EFR3B: variants seen among roughly 807,000 people sequenced by gnomAD.
EFR3B encodes the protein protein EFR3 homolog B.
In EFR3B, 64 loss-of-function variants were observed where a neutral mutation model predicts 104.7. The observed-to-expected ratio is 0.61, with a 90% CI of 0.50 to 0.75. EFR3B has a LOEUF of 0.75. Ranked by LOEUF, EFR3B falls within the 30% of genes least tolerant of loss-of-function variation. EFR3B has a pLI of 0.00. For synonymous variants in EFR3B, 385 were observed against 417.9 expected (o/e 0.92, Z 0.96); for missense variants, 750 against 1,078.5 (o/e 0.70, Z 4.27).
At chr2:25,081,709 C>G in intron 1 of EFR3B, 2 of 507,866 alleles carry the variant, frequency 3.9e-6, no homozygotes, top group Non-Finnish European at 3.4e-6. Flanking sequence ...AGACCCATTC[C>G]CTTGGTACCG....
intron 3 of EFR3B, among the ~76,000 whole-genome samples, chr2:25,095,751 C>G (rs955707701): frequency 6.6e-6 from 1 of 152,236 alleles, no homozygotes. Context: ...ATTTTATGAA[C>G]AGTGGGGCTG....
rs1671237492 is a variant in EFR3B, at chr2:25,158,621, GC to G, written c.*4284del. 6.6e-6 allele frequency: 1 copy of G among 152,570 alleles called. No individual in the cohort carries two copies. The highest frequency in any genetic ancestry group is 2.4e-5 in the African/African-American group (1 of 41,460). 9.5% of individuals were successfully genotyped at this position (152,570 alleles called of 1,614,324 possible). On this transcript the variant is annotated 3_prime_UTR_variant, in exon 23 of 23. Coordinates refer to ENST00000403714, the MANE Select transcript of EFR3B (RefSeq NM_014971.2). ...GGAGGGCGGCAGGAAGGGCTTTGTG[GC>G]CCTGCTGGGGCCAAAGGCAGTTTTC...
chr2:25,133,738 C>T (rs978421109), intron 12 of EFR3B, among the ~76,000 whole-genome samples: 4 of 152,158 alleles, frequency 2.6e-5, no homozygotes, highest in South Asian at 2.1e-4. Context: ...TGTTGGTTCC[C>T]GCCCTGGTTC....
At chr2:25,144,852 AGG>A in intron 18 of EFR3B, 106 bp from the exon 19 acceptor site, 1 of 872,592 alleles carries the variant, frequency 1.1e-6, no homozygotes, top group East Asian at 2.7e-5. Flanking sequence ...TGAGCCTTAG[AGG>A]ACTGTGGACC....
At chr2:25,153,673 C>A in intron 21 of EFR3B, 39 bp from the exon 22 acceptor site, 1 of 1,550,082 alleles carries the variant, frequency 6.5e-7, no homozygotes, top group Non-Finnish European at 8.7e-7. Context: ...TTCTGGACCC[C>A]CCACCCCTGC....
chr2:25,082,321 G>T, intron 1 of EFR3B, among the ~76,000 whole-genome samples: 1 of 152,238 alleles, frequency 6.6e-6, no homozygotes, highest in East Asian at 1.9e-4. Flanking sequence ...TGAGGACAAG[G>T]CAGGCTAGAG....
intron 3 of EFR3B, among the ~76,000 whole-genome samples, chr2:25,093,539 A>G (rs931857561): frequency 6.6e-6 from 1 of 152,116 alleles, no homozygotes; most frequent in Non-Finnish European, 1.5e-5. Flanking sequence ...AAACAGACCA[A>G]GAAAACTGGG....
rs188394148 is a variant in EFR3B, at chr2:25,142,093, G to A, written c.1922+660G>A. 4.6e-5 allele frequency among the ~76,000 whole-genome samples: 7 copies of A among 152,264 alleles called. No homozygotes were observed. The East Asian group carries it at 1.4e-3, about 29-fold the overall frequency. ...GCAGGAGGATCTCTTGAGCCCATGAGTTCGAGACAACCATGGGCCGCAAAG... is the reference window on the plus strand; with the variant it reads ...GCAGGAGGATCTCTTGAGCCCATGAATTCGAGACAACCATGGGCCGCAAAG... On this transcript the variant is annotated intron_variant, in intron 17 of 22. Transcript: ENST00000403714.
At position 25,156,290 on chromosome 2, in the gene EFR3B, G is replaced by GTTTTTTTTTTTT. The variant is rs1034346702; in HGVS notation, c.*1964_*1975dup. On this transcript the variant is annotated 3_prime_UTR_variant, in exon 23 of 23. Transcript: ENST00000403714. ...TGTGGGCACACAGCTTCTTTTTCTT[G>GTTTTTTTTTTTT]TTTTTTTTTTTTTTTTTTTTTTTTT... 7 of 71,772 alleles carry GTTTTTTTTTTTT rather than the reference G, an allele frequency of 9.8e-5. No individual in the cohort carries two copies. The highest frequency in any genetic ancestry group is 1.3e-4 in the Non-Finnish European group (5 of 39,578). The allele number at this position is 71,772 out of a possible 1,614,324, so 4.4% of individuals were successfully genotyped here. A position where few individuals can be genotyped will look rare whatever the true frequency, so the allele number is the denominator to read the frequency against.
chr2:25,124,100 A>ATCTC (rs2149201818), intron 5 of EFR3B, among the ~76,000 whole-genome samples: 1 of 151,720 alleles, frequency 6.6e-6, no homozygotes, highest in South Asian at 2.1e-4. Flanking sequence ...TTTCCCTGAG[A>ATCTC]TCTCTCCTGT....
At chr2:25,047,196 C>T (rs1420519441) in intron 1 of EFR3B, among the ~76,000 whole-genome samples, 1 of 152,190 alleles carries the variant, frequency 6.6e-6, no homozygotes, top group Non-Finnish European at 1.5e-5. Context: ...TTTAAAGCAA[C>T]CTTCTATCTA....
At chr2:25,077,157 T>G (rs1668651625) in intron 1 of EFR3B, among the ~76,000 whole-genome samples, 1 of 152,250 alleles carries the variant, frequency 6.6e-6, no homozygotes, top group Admixed American at 6.5e-5. Flanking sequence ...GAATGATTCC[T>G]GGCTTTAATT....
chr2:25,150,670 G>A (rs1335926079), intron 20 of EFR3B, among the ~76,000 whole-genome samples: 3 of 150,618 alleles, frequency 2.0e-5, no homozygotes, highest in African/African-American at 7.3e-5. Context: ...GAGTGCAGTG[G>A]CACCATCTTG....
chr2:25,114,559 A>G lies in EFR3B; in HGVS notation c.364-7114A>G, dbSNP rs191096552. The stretch of plus-strand genomic sequence containing the variant: ...AGCCCGAGGGAATGGAATGGTCAAC[A>G]GCCCGAGCCTCAAGTCTGCAACCTC... On this transcript the variant is annotated intron_variant, in intron 4 of 22. Transcript: ENST00000403714. The surrounding 1 kb of genome is among the most constrained non-coding windows in gnomAD (Gnocchi z 4.0). Among the ~76,000 whole-genome samples, 1 of 152,336 alleles carries G rather than the reference A, an allele frequency of 6.6e-6. No homozygotes were observed. Among genetic ancestry groups the G allele is most frequent in the African/African-American group, 2.4e-5 (1 of 41,592 alleles).
At chr2:25,100,592 A>T (rs919041881) in intron 3 of EFR3B, among the ~76,000 whole-genome samples, 5 of 152,074 alleles carry the variant, frequency 3.3e-5, no homozygotes, top group African/African-American at 4.8e-5. Flanking sequence ...TCCTGAGTTC[A>T]CACCATTCTC....
chr2:25,110,726 C>A (rs563313006), intron 4 of EFR3B, among the ~76,000 whole-genome samples: 27 of 152,196 alleles, frequency 1.8e-4, no homozygotes, highest in Non-Finnish European at 2.9e-4. Context: ...TGCATAACTA[C>A]GAAATGCCAT....
rs1194528495 is a variant in EFR3B, at chr2:25,103,772, C to T, written c.348C>T (p.Ile116=). 3.2e-6 allele frequency: 5 copies of T among 1,551,456 alleles called. No homozygotes were observed. The African/African-American group carries it at 5.5e-5, about 17-fold the overall frequency. Residue 116 remains isoleucine, a synonymous_variant, in exon 4 of 23, where the codon ATC becomes ATT. Coordinates refer to ENST00000403714, the MANE Select transcript of EFR3B (RefSeq NM_014971.2). ...LLESEKPNLQ[I]LGTNSFVKFA... ...AGTCAGAGAAACCCAACCTGCAGATCCTCGGCACCAACTCGGTAAGGAGCG... is the reference window on the plus strand; with the variant it reads ...AGTCAGAGAAACCCAACCTGCAGATTCTCGGCACCAACTCGGTAAGGAGCG...
rs142034701 is a variant in EFR3B, at chr2:25,143,708, G to A, written c.1923-27G>A. On this transcript the variant is annotated intron_variant, in intron 17 of 22. Coordinates refer to ENST00000403714, the MANE Select transcript of EFR3B (RefSeq NM_014971.2). ...TCATTCTAGATACCGCGGTTCTAACGAACTTTCTCCCTCCTTCATCTTCCA... is the reference window on the plus strand; with the variant it reads ...TCATTCTAGATACCGCGGTTCTAACAAACTTTCTCCCTCCTTCATCTTCCA... 1,710 of 1,550,606 alleles carry A rather than the reference G, an allele frequency of 1.1e-3. 1 individual carries two copies. The highest frequency in any genetic ancestry group is 2.3e-3 in the Admixed American group (115 of 50,880).
chr2:25,135,566 C>A lies in EFR3B; in HGVS notation c.1411C>A (p.Arg471=), dbSNP rs1254796768. The change falls in exon 13 of 23, where the codon CGA becomes AGA. Residue 471 remains arginine, a synonymous_variant. Transcript: ENST00000403714. ...CGCCCTCATGGAGGATGCAGAAATTCGACTCTTTGTTCTAGAGATTCTCAT... is the reference window on the plus strand; with the variant it reads ...CGCCCTCATGGAGGATGCAGAAATTAGACTCTTTGTTCTAGAGATTCTCAT... ...STALMEDAEI[R]LFVLEILISF... The A allele has an allele frequency of 9.7e-6, 15 of 1,551,968 alleles. 2 individuals are homozygous for A. In the Middle Eastern group the frequency reaches 5.0e-4, roughly 52 times the overall value.
Sources: allele counts gnomAD v4.1 joint callset (sites outside exome capture counted in the v4.1 genomes callset), GRCh38; gene constraint gnomAD v4.1.1; non-coding constraint Gnocchi (gnomAD v3.1); transcripts MANE v1.5; gene names NCBI Gene and HGNC (gene_info 2026-07-23, HGNC 2026-07-21).